CFAP300: variants seen among roughly 807,000 people sequenced by gnomAD.
CFAP300 encodes cilia- and flagella-associated protein 300.
Under a neutral mutation model 33.0 loss-of-function variants are expected in CFAP300, and 32 were observed. That is an observed-to-expected ratio of 0.97 (90% confidence interval 0.73 to 1.30). CFAP300 has a LOEUF of 1.30. Ranked by LOEUF, CFAP300 falls within the 50% of genes most tolerant of loss-of-function variation. The pLI is 0.00. For missense variants in CFAP300, 356 were observed against 318.1 expected (o/e 1.12, Z -0.90); for synonymous variants, 102 against 106.8 (o/e 0.95, Z 0.28).
intron 3 of CFAP300, among the ~76,000 whole-genome samples, chr11:102,059,734 G>A (rs190547133): frequency 4.6e-5 from 7 of 152,128 alleles, no homozygotes; most frequent in African/African-American, 9.6e-5. Flanking sequence ...CTGATATTGG[G>A]ATATTTGGGC....
At chr11:102,067,951 A>G (rs1455599041) in intron 4 of CFAP300, among the ~76,000 whole-genome samples, 1 of 152,214 alleles carries the variant, frequency 6.6e-6, no homozygotes, top group Non-Finnish European at 1.5e-5. Context: ...TATCATCGTT[A>G]CAATTATTGA....
At chr11:102,073,584 A>G (rs1320815180) in intron 4 of CFAP300, among the ~76,000 whole-genome samples, 2 of 152,022 alleles carry the variant, frequency 1.3e-5, no homozygotes, top group African/African-American at 4.8e-5. Flanking sequence ...AGCATGGGCA[A>G]TGAGTGGAGA....
At chr11:102,075,477 C>G (rs752397154) in intron 4 of CFAP300, among the ~76,000 whole-genome samples, 1 of 152,108 alleles carries the variant, frequency 6.6e-6, no homozygotes, top group Non-Finnish European at 1.5e-5. Flanking sequence ...AGAAAATGAC[C>G]GTTTAGTCTC....
chr11:102,077,830 C>A (rs1240681341), intron 5 of CFAP300, among the ~76,000 whole-genome samples: 1 of 152,228 alleles, frequency 6.6e-6, no homozygotes, highest in African/African-American at 2.4e-5. Context: ...CCGCCTCAGC[C>A]TCCCAAAGTT....
chr11:102,056,393 A>G (rs1942057019), intron 2 of CFAP300, among the ~76,000 whole-genome samples: 1 of 152,210 alleles, frequency 6.6e-6, no homozygotes, highest in Non-Finnish European at 1.5e-5. Flanking sequence ...TTACTTTCCC[A>G]GAGGGTTATA....
At position 102,069,784 on chromosome 11, in the gene CFAP300, C is replaced by G. The variant is rs142892586; in HGVS notation, c.435+3133C>G. 6.1e-3 allele frequency among the ~76,000 whole-genome samples: 922 copies of G among 152,126 alleles called. 7 individuals are homozygous for G. The highest frequency in any genetic ancestry group is 0.014 in the Middle Eastern group (4 of 294). Reference sequence around the variant, plus strand: ...CGCCACTGCACTCCAGCCTGGGTGACAGAACGAGACTCCATCTAAAAAAAG... The same window carrying G: ...CGCCACTGCACTCCAGCCTGGGTGAGAGAACGAGACTCCATCTAAAAAAAG... On this transcript the variant is annotated intron_variant, in intron 4 of 6. Coordinates refer to ENST00000434758, the MANE Select transcript of CFAP300 (RefSeq NM_032930.3).
At chr11:102,064,556 G>T (rs1366240796) in intron 3 of CFAP300, among the ~76,000 whole-genome samples, 1 of 152,158 alleles carries the variant, frequency 6.6e-6, no homozygotes, top group East Asian at 1.9e-4. Flanking sequence ...AGAATAACAG[G>T]TCCTAGCATG....
chr11:102,048,273 C>T (rs1941916708), intron 2 of CFAP300, among the ~76,000 whole-genome samples: 1 of 151,706 alleles, frequency 6.6e-6, no homozygotes, highest in African/African-American at 2.4e-5. Flanking sequence ...TCTCTGTCAC[C>T]CAGGCTGAAT....
chr11:102,055,311 G>C (rs1010423020), intron 2 of CFAP300, among the ~76,000 whole-genome samples: 1 of 148,292 alleles, frequency 6.7e-6, no homozygotes, highest in African/African-American at 2.5e-5. Context: ...TTTTCTTTAT[G>C]CTCATATAAA....
At chr11:102,067,199 C>T (rs755847234) in intron 4 of CFAP300, among the ~76,000 whole-genome samples, 1 of 152,066 alleles carries the variant, frequency 6.6e-6, no homozygotes, top group Non-Finnish European at 1.5e-5. Flanking sequence ...TTAGCCAAGG[C>T]TGGTGGCTCA....
intron 5 of CFAP300, among the ~76,000 whole-genome samples, chr11:102,080,811 C>T (rs762593220): frequency 6.6e-6 from 1 of 152,184 alleles, no homozygotes; most frequent in Non-Finnish European, 1.5e-5. Flanking sequence ...TAATCCTACT[C>T]AAAGTGAAAG....
At chr11:102,072,675 T>C (rs1196669470) in intron 4 of CFAP300, among the ~76,000 whole-genome samples, 1 of 152,220 alleles carries the variant, frequency 6.6e-6, no homozygotes, top group African/African-American at 2.4e-5. Flanking sequence ...TAGAGAATTA[T>C]TGTGTTCCTT....
At chr11:102,079,419 T>G (rs536676518) in intron 5 of CFAP300, among the ~76,000 whole-genome samples, 7 of 152,350 alleles carry the variant, frequency 4.6e-5, no homozygotes, top group Non-Finnish European at 7.3e-5. Flanking sequence ...AAAATGAACT[T>G]GACCTATGTC....
chr11:102,071,593 AT>A lies in CFAP300; in HGVS notation c.436-4276del, dbSNP rs1289531761. Reference sequence around the variant, plus strand: ...ATTTGAATCCTTTCTGTGTTTTCAAATTTTGCTTTCAGGTATAGGTCTCCCT... The same window carrying A: ...ATTTGAATCCTTTCTGTGTTTTCAAATTTGCTTTCAGGTATAGGTCTCCCT... On this transcript the variant is annotated intron_variant, in intron 4 of 6. Coordinates refer to ENST00000434758, the MANE Select transcript of CFAP300 (RefSeq NM_032930.3). 4.6e-5 allele frequency among the ~76,000 whole-genome samples: 7 copies of A among 151,974 alleles called. No homozygotes were observed. In the East Asian group the frequency reaches 1.4e-3, roughly 29 times the overall value.
chr11:102,061,294 A>T, intron 3 of CFAP300, among the ~76,000 whole-genome samples: 1 of 152,034 alleles, frequency 6.6e-6, no homozygotes, highest in East Asian at 1.9e-4. Context: ...TTTCTGCTAT[A>T]TTTCTTTTTC....
intron 2 of CFAP300, among the ~76,000 whole-genome samples, chr11:102,048,191 CTTTG>C (rs1941915534): frequency 6.6e-6 from 1 of 152,048 alleles, no homozygotes; most frequent in Non-Finnish European, 1.5e-5. Flanking sequence ...TAGTTTCTCC[CTTTG>C]TTTATTTTTG....
In CFAP300 at chr11:102,054,728, C is replaced by CAA. The variant is rs542071172; in HGVS notation, c.193-4132_193-4131dup. Among the ~76,000 whole-genome samples, 317 of 70,850 alleles carry CAA rather than the reference C, an allele frequency of 4.5e-3. 9 individuals carry two copies. Among genetic ancestry groups the CAA allele is most frequent in the African/African-American group, 9.0e-3 (172 of 19,130 alleles). The allele number at this position is 70,850 out of a possible 152,430, so 46.5% of individuals were successfully genotyped here. A position where few individuals can be genotyped will look rare whatever the true frequency, so the allele number is the denominator to read the frequency against. On this transcript the variant is annotated intron_variant, in intron 2 of 6. Transcript: ENST00000434758. The stretch of plus-strand genomic sequence containing the variant: ...TGAATGACAGAGCAAGACTTGGTCT[C>CAA]AAAAAAAAAAAAAAAAAAAAAGTGA...
At chr11:102,065,899 AATGT>A (rs1942217265) in intron 3 of CFAP300, among the ~76,000 whole-genome samples, 1 of 152,134 alleles carries the variant, frequency 6.6e-6, no homozygotes. Flanking sequence ...ATTTTTTTAA[AATGT>A]ATTTCATTTT....
chr11:102,055,596 C>G (rs1444658708), intron 2 of CFAP300, among the ~76,000 whole-genome samples: 2 of 151,666 alleles, frequency 1.3e-5, no homozygotes, highest in East Asian at 3.9e-4. Flanking sequence ...TGAGCTCAAG[C>G]CTCAGCCTCC....
Sources: allele counts gnomAD v4.1 joint callset (sites outside exome capture counted in the v4.1 genomes callset), GRCh38; gene constraint gnomAD v4.1.1; transcripts MANE v1.5; gene names NCBI Gene and HGNC (gene_info 2026-07-23, HGNC 2026-07-21).